Variants in GIT2 observed in about 807,000 individuals in gnomAD.
The protein encoded by GIT2 is GIT ArfGAP 2.
In GIT2, 32 loss-of-function variants were observed where a neutral mutation model predicts 100.3. The ratio of observed to expected loss-of-function variants is 0.32; its 90% CI spans 0.24 to 0.43. The LOEUF is 0.43. Among genes scored for constraint, GIT2 ranks in the 20% least tolerant of loss-of-function variants. The probability of loss-of-function intolerance (pLI) is 1.00; values close to 1 mark genes in which losing one functional copy is unlikely to be tolerated. For missense variants in GIT2, 737 were observed against 975.1 expected (o/e 0.76, Z 3.25); for synonymous variants, 353 against 364.1 (o/e 0.97, Z 0.35).
chr12:109,994,229 C>T (rs978706295), intron 1 of GIT2, among the ~76,000 whole-genome samples: 3 of 152,066 alleles, frequency 2.0e-5, no homozygotes, highest in African/African-American at 4.8e-5. Flanking sequence ...GGATCAGAAT[C>T]CCATGGAAAG....
chr12:109,965,017 G>A (rs1881980764), intron 9 of GIT2, among the ~76,000 whole-genome samples: 1 of 152,152 alleles, frequency 6.6e-6, no homozygotes, highest in Non-Finnish European at 1.5e-5. Context: ...ACGCACATGG[G>A]CCAAGACCAC....
At chr12:109,987,336 A>T (rs942805439) in intron 4 of GIT2, among the ~76,000 whole-genome samples, 5 of 152,028 alleles carry the variant, frequency 3.3e-5, no homozygotes, top group Admixed American at 3.3e-4. Flanking sequence ...GTGAGCTGAG[A>T]TCGCACCACT....
At chr12:109,994,176 A>G (rs1334452464) in intron 1 of GIT2, among the ~76,000 whole-genome samples, 1 of 152,058 alleles carries the variant, frequency 6.6e-6, no homozygotes, top group Non-Finnish European at 1.5e-5. Flanking sequence ...TATTTAACAC[A>G]TATTAATTAA....
At chr12:109,976,436 C>T (rs888867398) in intron 7 of GIT2, among the ~76,000 whole-genome samples, 34 of 151,722 alleles carry the variant, frequency 2.2e-4, no homozygotes, top group African/African-American at 8.0e-4. Context: ...AGGCGCCCAC[C>T]ACCACGCCCG....
At chr12:109,988,460 A>G (rs757438274) in intron 4 of GIT2, among the ~76,000 whole-genome samples, 4 of 152,100 alleles carry the variant, frequency 2.6e-5, no homozygotes, top group African/African-American at 9.6e-5. Context: ...AAGGATTGCT[A>G]GAGCCTGGAT....
At position 109,947,204 on chromosome 12, in the gene GIT2, A is replaced by C; in HGVS notation, c.1641+52T>G. ...CCTGTAGGTTCAGAAGAGGGAACAGAGTAGACAGGCTGCATAGAGTGAACA... is the reference window on the plus strand; with the variant it reads ...CCTGTAGGTTCAGAAGAGGGAACAGCGTAGACAGGCTGCATAGAGTGAACA... On this transcript the variant is annotated intron_variant, in intron 15 of 19. Coordinates refer to ENST00000355312, the MANE Select transcript of GIT2 (RefSeq NM_057169.5). This position sits in a 1 kb window ranked among gnomAD's most constrained non-coding sequence, Gnocchi z 4.3. The C allele has an allele frequency of 6.4e-7, 1 of 1,562,698 alleles. No homozygotes were observed. Among genetic ancestry groups the C allele is most frequent in the Non-Finnish European group, 8.7e-7 (1 of 1,146,462 alleles).
At chr12:109,957,050 T>A (rs1226488343) in intron 12 of GIT2, among the ~76,000 whole-genome samples, 2 of 152,002 alleles carry the variant, frequency 1.3e-5, no homozygotes, top group Non-Finnish European at 2.9e-5. Flanking sequence ...TCAAACTTTA[T>A]TACTTTGTCT....
rs1240852598 is a variant in GIT2, at chr12:109,934,411, A to G, written c.2004-326T>C. On this transcript the variant is annotated intron_variant, in intron 18 of 19. Coordinates refer to ENST00000355312, the MANE Select transcript of GIT2 (RefSeq NM_057169.5). The surrounding 1 kb of genome is among the most constrained non-coding windows in gnomAD (Gnocchi z 4.5). ...ACTTCTCATGTGTTTCATCGTCCCA[A>G]TTTCTAGAAAGAGAAAGGATTTCCA... Among the ~76,000 whole-genome samples, 1 of 152,164 alleles carries G rather than the reference A, an allele frequency of 6.6e-6. No homozygotes were observed. Among genetic ancestry groups the G allele is most frequent in the Non-Finnish European group, 1.5e-5 (1 of 68,030 alleles).
At chr12:109,964,581 G>C (rs1881844786) in intron 9 of GIT2, among the ~76,000 whole-genome samples, 1 of 149,180 alleles carries the variant, frequency 6.7e-6, no homozygotes, top group African/African-American at 2.5e-5. Context: ...AAGAGGACTT[G>C]AATGTGCAGC....
intron 4 of GIT2, among the ~76,000 whole-genome samples, chr12:109,986,502 C>T (rs954056803): frequency 1.1e-4 from 16 of 152,074 alleles, no homozygotes; most frequent in South Asian, 4.1e-4. Context: ...TGGTGGCTTA[C>T]GCCTGTAATC....
Position 109,933,827 on chromosome 12 carries a change from C to T in GIT2, c.2067+195G>A. The T allele has an allele frequency of 1.8e-6, 1 of 552,752 alleles. No homozygotes were observed. Among genetic ancestry groups the T allele is most frequent in the South Asian group, 2.0e-5 (1 of 49,754 alleles). 34.2% of individuals were successfully genotyped at this position (552,752 alleles called of 1,614,324 possible). A position where few individuals can be genotyped will look rare whatever the true frequency, so the allele number is the denominator to read the frequency against. On this transcript the variant is annotated intron_variant, in intron 19 of 19. Transcript: ENST00000355312. This position sits in a 1 kb window ranked among gnomAD's most constrained non-coding sequence, Gnocchi z 4.5. ...TGTTGGTCAGGCTGGCCTCGAACTC[C>T]CGACCTCAGGTGATCTGCCTGTCTC...
rs1342461981 is a variant in GIT2 at position 109,947,102 on chromosome 12, G to A, written c.1641+154C>T. 2.0e-5 allele frequency among the ~76,000 whole-genome samples: 3 copies of A among 152,146 alleles called. No homozygotes were observed. The highest frequency in any genetic ancestry group is 4.4e-5 in the Non-Finnish European group (3 of 68,032). ...CTGTGTGCTTGTGGGAATATCGCAA[G>A]CATCTGTGGACATGTTAATACAGCA... is the stretch of plus-strand genomic sequence containing the variant. On this transcript the variant is annotated intron_variant, in intron 15 of 19. Coordinates refer to ENST00000355312, the MANE Select transcript of GIT2 (RefSeq NM_057169.5). This position sits in a 1 kb window ranked among gnomAD's most constrained non-coding sequence, Gnocchi z 4.3.
intron 12 of GIT2, among the ~76,000 whole-genome samples, chr12:109,955,642 C>T (rs978712692): frequency 1.3e-5 from 2 of 152,224 alleles, no homozygotes; most frequent in African/African-American, 2.4e-5. Flanking sequence ...CACATTTCTC[C>T]GTAGGGCACA....
chr12:109,951,915 T>C (rs1054042416), intron 13 of GIT2, among the ~76,000 whole-genome samples: 1 of 152,070 alleles, frequency 6.6e-6, no homozygotes, highest in Non-Finnish European at 1.5e-5. Flanking sequence ...GTCACATGAA[T>C]CTGGAGGAAG....
intron 7 of GIT2, among the ~76,000 whole-genome samples, chr12:109,978,330 G>A (rs903084015): frequency 2.6e-5 from 4 of 151,896 alleles, no homozygotes; most frequent in Non-Finnish European, 4.4e-5. Context: ...TGATCTGCCC[G>A]CCTCAGCCTC....
rs1876956035 is a variant in GIT2, at chr12:109,948,542, A to G, written c.1393-1038T>C. On this transcript the variant is annotated intron_variant, in intron 14 of 19. Coordinates refer to ENST00000355312, the MANE Select transcript of GIT2 (RefSeq NM_057169.5). The surrounding 1 kb of genome is among the most constrained non-coding windows in gnomAD (Gnocchi z 4.3). ...ATTTTAAACACCATTCACCACGTCCATTCTGCGCAGGGTCCTTCCCTTCTG... is the reference window on the plus strand; with the variant it reads ...ATTTTAAACACCATTCACCACGTCCGTTCTGCGCAGGGTCCTTCCCTTCTG... 1.5e-6 allele frequency: 2 copies of G among 1,330,028 alleles called. No homozygotes were observed. The highest frequency in any genetic ancestry group is 3.0e-5 in the East Asian group (1 of 33,300). 82.4% of individuals were successfully genotyped at this position (1,330,028 alleles called of 1,614,324 possible). A position where few individuals can be genotyped will look rare whatever the true frequency, so the allele number is the denominator to read the frequency against.
chr12:109,947,434 G>C lies in GIT2; in HGVS notation c.1463C>G (p.Thr488Ser). Residue 488 changes from threonine to serine, a missense_variant, in exon 15 of 20, where the codon ACT becomes AGT. Physicochemically the swap from Thr to Ser is moderately conservative, Grantham distance 58. This residue lies in a region of GIT2 where 451 missense variants were observed against 543.7 expected (regional missense o/e 0.83). Coordinates refer to ENST00000355312, the MANE Select transcript of GIT2 (RefSeq NM_057169.5). This position sits in a 1 kb window ranked among gnomAD's most constrained non-coding sequence, Gnocchi z 4.3. ...QATTNVYQVQTGSEYTDTSNH... is the reference protein window; with the variant it reads ...QATTNVYQVQSGSEYTDTSNH... ...GGAAGTGTCTGTGTACTCAGAACCA[G>C]TTTGCACCTGATATACATTGGTTGT... 1 of 1,613,736 alleles carries C rather than the reference G, an allele frequency of 6.2e-7. No individual in the cohort carries two copies. The highest frequency in any genetic ancestry group is 1.1e-5 in the South Asian group (1 of 91,086).
Position 109,983,407 on chromosome 12 carries a change from C to T in GIT2, c.589G>A (p.Asp197Asn). The T allele has an allele frequency of 2.5e-6, 4 of 1,613,874 alleles. No homozygotes were observed. Among genetic ancestry groups the T allele is most frequent in the Non-Finnish European group, 3.4e-6 (4 of 1,179,804 alleles). Residue 197 changes from aspartate to asparagine, a missense_variant, in exon 6 of 20, where the codon GAT becomes AAT. By Grantham distance (23) the Asp-to-Asn change is conservative. This residue lies in a region of GIT2 where 266 missense variants were observed against 376.2 expected (regional missense o/e 0.71). Transcript: ENST00000355312. Reference sequence around the variant, plus strand: ...TCAACGGGAGTTTTCCCACTAGAATCCTGTGTGCCTGGGTCTGCTCCATAT... The same window carrying T: ...TCAACGGGAGTTTTCCCACTAGAATTCTGTGTGCCTGGGTCTGCTCCATAT... ...AVYGADPGTQ[D>N]SSGKTPVDYA...
intron 13 of GIT2, 26 bp downstream of exon 13, chr12:109,953,066 C>T: frequency 6.2e-7 from 1 of 1,612,926 alleles, no homozygotes; most frequent in South Asian, 1.1e-5. Flanking sequence ...CGTGCTTGCC[C>T]TTCCATGGGA....
Sources: gnomAD v4.1 joint callset for allele counts (sites outside exome capture counted in the v4.1 genomes callset) on GRCh38, gnomAD v4.1.1 for gene constraint, gnomAD v4.1.1 regional missense constraint, Gnocchi (gnomAD v3.1) non-coding constraint, MANE v1.5 for transcripts, NCBI Gene and HGNC (gene_info 2026-07-23, HGNC 2026-07-21) for gene names.